RAG1: variants seen among roughly 807,000 people sequenced by gnomAD.
RAG1 encodes the protein recombination activating 1.
RAG1 carries 35 observed loss-of-function variants against 62.7 expected under a neutral mutation model. The observed-to-expected ratio is 0.56, with a 90% confidence interval of 0.43 to 0.74. The LOEUF (loss-of-function observed/expected upper bound fraction) is 0.74, where lower values mean the gene tolerates loss of function less well. RAG1 is among the 30% of genes least tolerant of loss of function. The pLI is 0.00. For synonymous variants in RAG1, 461 were observed against 470.3 expected, an observed-to-expected ratio of 0.98 and a Z score of 0.26; for missense variants, 1,169 against 1,278.6, an observed-to-expected ratio of 0.91 and a Z score of 1.31.
rs760237407 is a variant in RAG1, at chr11:36,573,919, C to A, written c.615C>A (p.His205Gln). 1 of 1,614,090 alleles carries A rather than the reference C, an allele frequency of 6.2e-7. No individual in the cohort carries two copies. Among genetic ancestry groups the A allele is most frequent in the African/African-American group, 1.3e-5 (1 of 74,996 alleles). Residue 205 changes from histidine (H) to glutamine (Q), a missense_variant, in exon 2 of 2, where the codon CAC (histidine) becomes CAA (glutamine). Around this residue, in one of 2 missense-constraint regions of RAG1, gnomAD observed 369 missense variants for 335.3 expected, o/e 1.10. Transcript: ENST00000299440. ...CGAGGAACGTGACCATGGAGTGGCA[C>A]CCCCACACACCATCCTGTGACATCT... ...YFPRNVTMEW[H>Q]PHTPSCDICN...
intron 1 of RAG1, among the ~76,000 whole-genome samples, chr11:36,571,982 CT>C (rs1450817805): frequency 6.6e-6 from 1 of 152,138 alleles, no homozygotes; most frequent in Non-Finnish European, 1.5e-5. Context: ...AAAGCGGGGA[CT>C]TGAAAAGAGG....
chr11:36,541,909 C>G (rs1254550638), intron 3 of RAG1, among the ~76,000 whole-genome samples: 1 of 152,076 alleles, frequency 6.6e-6, no homozygotes, highest in African/African-American at 2.4e-5. Context: ...CCGCCCCTAC[C>G]CAACTATCAA....
Position 36,573,798 on chromosome 11 carries a change from C to T in RAG1, c.494C>T (p.Ala165Val). The T allele has an allele frequency of 6.2e-7, 1 of 1,614,102 alleles. No individual in the cohort carries two copies. Among genetic ancestry groups the T allele is most frequent in the Non-Finnish European group, 8.5e-7 (1 of 1,180,022 alleles). ...IAKVFRIDVK[A>V]DVDSIHPTEF... Reference sequence around the variant, plus strand: ...AAGGTTTTCCGGATCGATGTGAAGGCAGATGTTGACTCGATCCACCCCACT... The same window carrying T: ...AAGGTTTTCCGGATCGATGTGAAGGTAGATGTTGACTCGATCCACCCCACT... The change falls in exon 2 of 2, where the codon GCA (alanine) becomes GTA (valine). Residue 165 changes from alanine to valine, a missense_variant. Around this residue, in one of 2 missense-constraint regions of RAG1, gnomAD observed 369 missense variants for 335.3 expected, o/e 1.10. Coordinates refer to ENST00000299440, the MANE Select transcript of RAG1 (RefSeq NM_000448.3).
rs1850888301 is a variant in RAG1 at position 36,578,666 on chromosome 11, C to A, written c.*2230C>A. On this transcript the variant is annotated 3_prime_UTR_variant, in exon 2 of 2. Coordinates refer to ENST00000299440, the MANE Select transcript of RAG1 (RefSeq NM_000448.3). ...TTATAGCACAACCTTTCCAATAATC[C>A]CTTAATCAGATCACATTTTGATAAA... 6.0e-6 allele frequency: 1 copy of A among 167,024 alleles called. No individual in the cohort carries two copies. The highest frequency in any genetic ancestry group is 1.5e-5 in the Non-Finnish European group (1 of 68,116). 10.3% of individuals were successfully genotyped at this position (167,024 alleles called of 1,614,324 possible). A position where few individuals can be genotyped will look rare whatever the true frequency, so the allele number is the denominator to read the frequency against.
downstream of RAG1, among the ~76,000 whole-genome samples, chr11:36,538,904 C>CT (rs1860372512): frequency 6.6e-6 from 1 of 152,196 alleles, no homozygotes; most frequent in Non-Finnish European, 1.5e-5. Flanking sequence ...TGTCCTGTCG[C>CT]TCAGGAAGAG....
chr11:36,519,009 G>A (rs979879908), intron 1 of RAG1, among the ~76,000 whole-genome samples: 6 of 152,186 alleles, frequency 3.9e-5, no homozygotes, highest in African/African-American at 1.4e-4. Context: ...CTTTCCTGAA[G>A]AAGATTCTGT....
At chr11:36,525,159 G>GT (rs201571377) in intron 2 of RAG1, among the ~76,000 whole-genome samples, 1 of 151,300 alleles carries the variant, frequency 6.6e-6, no homozygotes, top group Non-Finnish European at 1.5e-5. Context: ...TTAAAAGGCT[G>GT]TTTTTTCTCT....
intron 1 of RAG1, 36 bp from the exon 2 acceptor site, chr11:36,573,255 A>G (rs781507329): frequency 1.2e-6 from 2 of 1,603,774 alleles, no homozygotes; most frequent in Admixed American, 1.7e-5. Flanking sequence ...GGATATTGAT[A>G]TTGGTCTTAA....
At position 36,574,376 on chromosome 11, in the gene RAG1, TGTCCAGCAAAAGAGTGCAATGAGGAG is replaced by T. The variant is rs1564988842; in HGVS notation, c.1076_1101del (p.Pro359GlnfsTer6). ...CGTCTTGAATTCCCTGATGGTGAAA[TGTCCAGCAAAAGAGTGCAATGAGGAG>T]GTCAGTTTGGAAAAATATAATCACC... On this transcript the variant is annotated frameshift_variant, in exon 2 of 2. Coordinates refer to ENST00000299440, the MANE Select transcript of RAG1 (RefSeq NM_000448.3). LOFTEE classifies it high-confidence loss of function. The T allele has an allele frequency of 6.2e-7, 1 of 1,614,180 alleles. No individual in the cohort carries two copies. Among genetic ancestry groups the T allele is most frequent in the East Asian group, 2.2e-5 (1 of 44,888 alleles).
downstream of RAG1, among the ~76,000 whole-genome samples, chr11:36,537,696 C>G (rs1346718961): frequency 1.3e-5 from 2 of 152,070 alleles, no homozygotes; most frequent in African/African-American, 4.8e-5. Flanking sequence ...TGGTGATAAG[C>G]CCTAAAAAGC....
chr11:36,542,510 G>T (rs1212495198), intron 3 of RAG1, among the ~76,000 whole-genome samples: 2 of 152,200 alleles, frequency 1.3e-5, no homozygotes, highest in Non-Finnish European at 2.9e-5. Flanking sequence ...TGACCAAGAT[G>T]CCCAAGAGGA....
chr11:36,567,392 G>A (rs537906971), upstream of RAG1: 22 of 152,276 alleles, frequency 1.4e-4, no homozygotes, highest in African/African-American at 5.3e-4. Flanking sequence ...TAAAGTTTAA[G>A]TAATGAATCA....
chr11:36,564,175 A>G (rs558857101), upstream of RAG1, among the ~76,000 whole-genome samples: 137 of 152,210 alleles, frequency 9.0e-4, no homozygotes, highest in Non-Finnish European at 1.8e-3. Context: ...TGTTTGAGGA[A>G]TAAGGAGAAG....
At chr11:36,545,274 GC>G (rs780684049) in intron 3 of RAG1, among the ~76,000 whole-genome samples, 46 of 152,128 alleles carry the variant, frequency 3.0e-4, no homozygotes, top group Non-Finnish European at 2.8e-4. Flanking sequence ...ACATGTTAAA[GC>G]TTTAACCTCC....
At position 36,579,286 on chromosome 11, in the gene RAG1, G is replaced by A. The variant is rs1260569943; in HGVS notation, c.*2850G>A. 1 of 167,038 alleles carries A rather than the reference G, an allele frequency of 6.0e-6. No individual in the cohort carries two copies. The highest frequency in any genetic ancestry group is 1.5e-5 in the Non-Finnish European group (1 of 68,108). 10.3% of individuals were successfully genotyped at this position (167,038 alleles called of 1,614,324 possible). The stretch of plus-strand genomic sequence containing the variant: ...GTTGGGAGGAATAAACCATTATTTG[G>A]ATGCAGGTGGTTTTTGATTGCAAAT... On this transcript the variant is annotated 3_prime_UTR_variant, in exon 2 of 2. Coordinates refer to ENST00000299440, the MANE Select transcript of RAG1 (RefSeq NM_000448.3).
chr11:36,578,884 A>G lies in RAG1; in HGVS notation c.*2448A>G, dbSNP rs1234533651. On this transcript the variant is annotated 3_prime_UTR_variant, in exon 2 of 2. Coordinates refer to ENST00000299440, the MANE Select transcript of RAG1 (RefSeq NM_000448.3). ...CACTGAATCGAGCATTTGTGTGTGT[A>G]TGTGTGAAGTATATACTGGGACTTC... The G allele has an allele frequency of 6.0e-6, 1 of 167,122 alleles. No individual in the cohort carries two copies. Among genetic ancestry groups the G allele is most frequent in the East Asian group, 1.9e-4 (1 of 5,198 alleles). The allele number at this position is 167,122 out of a possible 1,614,324, so 10.4% of individuals were successfully genotyped here. A position where few individuals can be genotyped will look rare whatever the true frequency, so the allele number is the denominator to read the frequency against.
upstream of RAG1, among the ~76,000 whole-genome samples, chr11:36,564,985 A>T (rs1850640940): frequency 6.6e-6 from 1 of 152,124 alleles, no homozygotes; most frequent in Admixed American, 6.5e-5. Context: ...TTCTGCTACT[A>T]ATTCCCTTCT....
intron 3 of RAG1, among the ~76,000 whole-genome samples, chr11:36,559,796 T>C (rs979102064): frequency 1.3e-5 from 2 of 152,220 alleles, no homozygotes; most frequent in Non-Finnish European, 2.9e-5. Flanking sequence ...AAATTGTCTA[T>C]CTGTATTTGC....
chr11:36,537,256 G>A (rs1317618457), downstream of RAG1, among the ~76,000 whole-genome samples: 8 of 152,198 alleles, frequency 5.3e-5, no homozygotes, highest in East Asian at 1.9e-4. Context: ...TTTAAAATAT[G>A]TTTAAATAAA....
Sources: allele counts gnomAD v4.1 joint callset (sites outside exome capture counted in the v4.1 genomes callset), GRCh38; gene constraint gnomAD v4.1.1; regional missense constraint gnomAD v4.1.1; transcripts MANE v1.5; gene names NCBI Gene and HGNC (gene_info 2026-07-23, HGNC 2026-07-21).